The following MTA3 variants were observed in gnomAD, a reference collection of about 807,000 sequenced individuals.
MTA3 encodes the protein metastasis associated 1 family member 3, also known as metastasis-associated protein MTA3.
Under a neutral mutation model 83.5 loss-of-function variants are expected in MTA3, and 34 were observed. That is an observed-to-expected ratio of 0.41 (90% CI 0.31 to 0.54). The LOEUF (loss-of-function observed/expected upper bound fraction) is 0.54, where lower values mean the gene tolerates loss of function less well. Ranked by LOEUF, MTA3 falls within the 20% of genes least tolerant of loss-of-function variation. The probability of loss-of-function intolerance (pLI) is 0.33; values close to 1 mark genes in which losing one functional copy is unlikely to be tolerated. For missense variants in MTA3, 761 were observed against 726.4 expected (o/e 1.05, Z -0.55); for synonymous variants, 303 against 252.7 (o/e 1.20, Z -1.89).
chr2:42,746,798 C>G (rs1234348904), intron 16 of MTA3, among the ~76,000 whole-genome samples: 2 of 152,246 alleles, frequency 1.3e-5, no homozygotes, highest in African/African-American at 2.4e-5. Flanking sequence ...CATGCCCTCC[C>G]TGGGCACACC....
At chr2:42,659,527 A>AT (rs891211947) in intron 7 of MTA3, 12 of 205,418 alleles carry the variant, frequency 5.8e-5, no homozygotes, top group East Asian at 1.0e-4. Flanking sequence ...TGCACAGGCT[A>AT]TTTTTTTTCT....
At chr2:42,577,105 A>AAAAAAAAAAATATATATATAT (rs1211189566) in intron 2 of MTA3, among the ~76,000 whole-genome samples, 3 of 86,910 alleles carry the variant, frequency 3.5e-5, no homozygotes, top group African/African-American at 1.6e-4. Flanking sequence ...AAAAAAAAAA[A>AAAAAAAAAAATATATATATAT]ATATATATAT....
At chr2:42,744,133 G>A (rs1311489020) in intron 16 of MTA3, among the ~76,000 whole-genome samples, 2 of 152,126 alleles carry the variant, frequency 1.3e-5, no homozygotes, top group African/African-American at 2.4e-5. Flanking sequence ...GCAATATAGC[G>A]GAGTACCTTA....
intron 3 of MTA3, among the ~76,000 whole-genome samples, chr2:42,597,856 T>C (rs550728126): frequency 6.6e-6 from 1 of 150,528 alleles, no homozygotes; most frequent in Non-Finnish European, 1.5e-5. Context: ...AATTTTTGTA[T>C]CCTTTTGTAG....
chr2:42,643,404 T>G (rs1296041379), intron 5 of MTA3, among the ~76,000 whole-genome samples: 1 of 152,192 alleles, frequency 6.6e-6, no homozygotes, highest in Non-Finnish European at 1.5e-5. Context: ...AGCAAAGGAC[T>G]GGTGCCAGGT....
chr2:42,735,749 T>A (rs74703414), intron 16 of MTA3, among the ~76,000 whole-genome samples: 2,745 of 152,326 alleles, frequency 0.018, 90 homozygotes, highest in African/African-American at 0.063. Context: ...ATTAAGAGAC[T>A]CTGATGTATT....
intron 2 of MTA3, among the ~76,000 whole-genome samples, chr2:42,507,152 C>T (rs1300154689): frequency 6.6e-6 from 1 of 151,978 alleles, no homozygotes; most frequent in Non-Finnish European, 1.5e-5. Context: ...CTTCCCACCT[C>T]GGCTTCCAAA....
chr2:42,606,081 T>C (rs1270723902), intron 3 of MTA3, among the ~76,000 whole-genome samples: 2 of 84,948 alleles, frequency 2.4e-5, no homozygotes, highest in Non-Finnish European at 4.8e-5. Flanking sequence ...TGACCCCCCC[T>C]CTCCCTCCCG....
rs1364845312 is a variant in MTA3, at chr2:42,549,383, T to C, written c.-140-21054T>C. On this transcript the variant is annotated intron_variant, in intron 2 of 17. Coordinates refer to the MTA3 transcript ENST00000405592. Reference sequence around the variant, plus strand: ...TATACGTATATACGTATATAAAATATATGTATATATTATATATACGTATAT... The same window carrying C: ...TATACGTATATACGTATATAAAATACATGTATATATTATATATACGTATAT... 7.5e-5 allele frequency among the ~76,000 whole-genome samples: 9 copies of C among 120,062 alleles called. 1 individual carries two copies. In the East Asian group the frequency reaches 1.3e-3, roughly 18 times the overall value. 78.8% of individuals were successfully genotyped at this position (120,062 alleles called of 152,430 possible).
At chr2:42,557,810 A>T (rs995264258) in intron 2 of MTA3, among the ~76,000 whole-genome samples, 1 of 152,202 alleles carries the variant, frequency 6.6e-6, no homozygotes, top group Non-Finnish European at 1.5e-5. Context: ...ACAGATAAAG[A>T]TAAAAGGAAC....
At chr2:42,687,415 T>C (rs1692484000) in intron 9 of MTA3, among the ~76,000 whole-genome samples, 1 of 152,212 alleles carries the variant, frequency 6.6e-6, no homozygotes, top group Non-Finnish European at 1.5e-5. Context: ...AGTAGTACTA[T>C]TCCATTGTGT....
chr2:42,563,681 C>T (rs528868004), upstream of MTA3, among the ~76,000 whole-genome samples: 3 of 151,870 alleles, frequency 2.0e-5, no homozygotes, highest in Admixed American at 1.3e-4. Context: ...TTAGCCAGGA[C>T]GGTCTCGATC....
At chr2:42,710,959 A>T (rs942347303) in intron 14 of MTA3, among the ~76,000 whole-genome samples, 1 of 152,094 alleles carries the variant, frequency 6.6e-6, no homozygotes, top group Non-Finnish European at 1.5e-5. Flanking sequence ...CACGCCTGTA[A>T]TCCCAGCTGC....
chr2:42,729,390 T>C (rs1036597292), intron 16 of MTA3, among the ~76,000 whole-genome samples: 1 of 152,162 alleles, frequency 6.6e-6, no homozygotes, highest in Non-Finnish European at 1.5e-5. Flanking sequence ...CGTGAGCCAC[T>C]GCGCCCAGCC....
chr2:42,584,983 G>A (rs1280240486), intron 3 of MTA3, among the ~76,000 whole-genome samples: 1 of 151,582 alleles, frequency 6.6e-6, no homozygotes, highest in Non-Finnish European at 1.5e-5. Flanking sequence ...CTAGGCTTGA[G>A]TGCAGTGGCA....
rs1206620337 is a variant in MTA3 at position 42,754,103 on chromosome 2, G to T, written c.*704G>T. 4.1e-6 allele frequency: 4 copies of T among 985,326 alleles called. No individual in the cohort carries two copies. The South Asian group carries it at 1.4e-4, about 35-fold the overall frequency. The allele number at this position is 985,326 out of a possible 1,614,324, so 61.0% of individuals were successfully genotyped here. A position where few individuals can be genotyped will look rare whatever the true frequency, so the allele number is the denominator to read the frequency against. On this transcript the variant is annotated 3_prime_UTR_variant, in exon 17 of 17. Transcript: ENST00000405094. ...GTGTTTTGTGGTTGGAGAGAAACTG[G>T]TGTTCTGCCCGGCTCTGCTTGGTCA... is the stretch of plus-strand genomic sequence containing the variant.
At chr2:42,682,885 A>G (rs1010095400) in intron 9 of MTA3, among the ~76,000 whole-genome samples, 7 of 152,156 alleles carry the variant, frequency 4.6e-5, no homozygotes, top group Admixed American at 6.6e-5. Context: ...AGCCTGGCCA[A>G]TGTGGTGAAA....
Position 42,711,578 on chromosome 2 carries a change from CTT to C in MTA3, c.1525+2487_1525+2488del, listed in dbSNP as rs1183843685. On this transcript the variant is annotated intron_variant, in intron 14 of 16. Coordinates refer to ENST00000405094, the MANE Select transcript of MTA3 (RefSeq NM_001330442.2). ...GACAGTGTTTCAGCAGCCGTCTACT[CTT>C]TTTTATTTTTCAGACAAGCAATGAA... Among the ~76,000 whole-genome samples the C allele has an allele frequency of 7.9e-5, 12 of 152,090 alleles. No individual in the cohort carries two copies. In the East Asian group the frequency reaches 1.2e-3, roughly 15 times the overall value.
At chr2:42,571,593 A>G (rs1020789764) in intron 2 of MTA3, among the ~76,000 whole-genome samples, 2 of 152,076 alleles carry the variant, frequency 1.3e-5, no homozygotes, top group Non-Finnish European at 2.9e-5. Context: ...TTCCCTTTTT[A>G]GTGAATTAAT....
Sources: gnomAD v4.1 joint callset for allele counts (sites outside exome capture counted in the v4.1 genomes callset) on GRCh38, gnomAD v4.1.1 for gene constraint, MANE v1.5 for transcripts, NCBI Gene and HGNC (gene_info 2026-07-23, HGNC 2026-07-21) for gene names.